B3GALT5: variants seen among roughly 807,000 people sequenced by gnomAD.
The protein encoded by B3GALT5 is beta-1,3-galactosyltransferase 5.
For missense variants in B3GALT5, 328 were observed against 396.6 expected (o/e 0.83, Z 1.47); for synonymous variants, 156 against 158.6 (o/e 0.98, Z 0.12).
At chr21:39,633,701 T>A (rs528488972) in intron 1 of B3GALT5, among the ~76,000 whole-genome samples, 1 of 152,342 alleles carries the variant, frequency 6.6e-6, no homozygotes, top group East Asian at 1.9e-4. Flanking sequence ...CTTTTAATTC[T>A]AGAACCAATG....
At chr21:39,658,035 T>C in intron 2 of B3GALT5, 1 of 713,688 alleles carries the variant, frequency 1.4e-6, no homozygotes, top group Non-Finnish European at 1.9e-6. Flanking sequence ...TTCCAGGCTC[T>C]GTCTGCTGGT....
chr21:39,660,883 G>A lies in B3GALT5; in HGVS notation c.324G>A (p.Glu108=). 6.2e-7 allele frequency: 1 copy of A among 1,612,336 alleles called. No homozygotes were observed. Among genetic ancestry groups the A allele is most frequent in the South Asian group, 1.1e-5 (1 of 90,710 alleles). Reference sequence around the variant, plus strand: ...CCAGCAGTGCAGCGGAAACGAAAGAGGTGGACCAGGAGAGCCAGCGACACG... The same window carrying A: ...CCAGCAGTGCAGCGGAAACGAAAGAAGTGGACCAGGAGAGCCAGCGACACG... The part of the protein sequence containing the change: ...GTTSSAAETK[E]VDQESQRHGD... Residue 108 remains glutamate, a synonymous_variant, in exon 4 of 4, where the codon GAG becomes GAA. Coordinates refer to ENST00000684187, the MANE Select transcript of B3GALT5 (RefSeq NM_001356336.2).
intron 1 of B3GALT5, among the ~76,000 whole-genome samples, chr21:39,636,219 T>G (rs772499405): frequency 2.6e-5 from 4 of 152,242 alleles, no homozygotes; most frequent in Non-Finnish European, 4.4e-5. Flanking sequence ...AAGAATTTAA[T>G]GCAGTGCTTG....
At chr21:39,619,550 C>T (rs2079123932) in intron 1 of B3GALT5, among the ~76,000 whole-genome samples, 1 of 151,248 alleles carries the variant, frequency 6.6e-6, no homozygotes, top group Non-Finnish European at 1.5e-5. Context: ...GTCAAGTTTT[C>T]CCATCTTGTT....
chr21:39,624,005 T>C (rs565748335), intron 1 of B3GALT5, among the ~76,000 whole-genome samples: 1 of 152,304 alleles, frequency 6.6e-6, no homozygotes, highest in African/African-American at 2.4e-5. Context: ...CAGTTATCTC[T>C]GGGGAAGGAG....
At chr21:39,620,429 A>G (rs527560208) in intron 1 of B3GALT5, among the ~76,000 whole-genome samples, 27 of 152,264 alleles carry the variant, frequency 1.8e-4, no homozygotes, top group African/African-American at 5.8e-4. Context: ...TGCATTTTCT[A>G]TTGGTTCTGA....
At chr21:39,655,267 C>G (rs2079431725) in intron 2 of B3GALT5, among the ~76,000 whole-genome samples, 1 of 152,242 alleles carries the variant, frequency 6.6e-6, no homozygotes. Context: ...GGCAGGAGAA[C>G]TTTCCTTTTA....
At chr21:39,647,164 T>C (rs2079348559) in intron 2 of B3GALT5, among the ~76,000 whole-genome samples, 1 of 152,196 alleles carries the variant, frequency 6.6e-6, no homozygotes, top group African/African-American at 2.4e-5. Flanking sequence ...GATGTCCTGA[T>C]GGCCGAGAGG....
chr21:39,616,806 C>T (rs977117733), intron 1 of B3GALT5, among the ~76,000 whole-genome samples: 5 of 152,142 alleles, frequency 3.3e-5, no homozygotes, highest in Non-Finnish European at 5.9e-5. Context: ...AGTCTCTATT[C>T]ATTTTGATTA....
chr21:39,650,056 G>A lies in B3GALT5; in HGVS notation c.-161+3434G>A, dbSNP rs552781449. On this transcript the variant is annotated intron_variant, in intron 2 of 3. Coordinates refer to ENST00000684187, the MANE Select transcript of B3GALT5 (RefSeq NM_001356336.2). ...CCCGCAAAGATTTGTCGTCTTTGTCGTGGAACCCCCAGCACCTGGACCCCT... is the reference window on the plus strand; with the variant it reads ...CCCGCAAAGATTTGTCGTCTTTGTCATGGAACCCCCAGCACCTGGACCCCT... Among the ~76,000 whole-genome samples the A allele has an allele frequency of 5.7e-4, 87 of 152,208 alleles. No individual in the cohort carries two copies. In the Middle Eastern group the frequency reaches 0.014, roughly 24 times the overall value.
intron 1 of B3GALT5, among the ~76,000 whole-genome samples, chr21:39,640,198 C>T (rs1794298293): frequency 6.6e-6 from 1 of 152,162 alleles, no homozygotes; most frequent in Non-Finnish European, 1.5e-5. Context: ...TGCAACCAGG[C>T]TGCCTGTGTT....
At chr21:39,639,412 C>CT (rs773449003) in intron 1 of B3GALT5, among the ~76,000 whole-genome samples, 1 of 99,138 alleles carries the variant, frequency 1.0e-5, no homozygotes, top group Non-Finnish European at 2.1e-5. Context: ...TTCTTTCTTT[C>CT]TTTCTTTCTT....
intron 2 of B3GALT5, among the ~76,000 whole-genome samples, chr21:39,655,525 G>T (rs1290444378): frequency 1.3e-5 from 2 of 152,176 alleles, no homozygotes; most frequent in Non-Finnish European, 2.9e-5. Flanking sequence ...ATTACTTAGA[G>T]GGTCACCCTG....
chr21:39,658,912 C>A lies in B3GALT5; in HGVS notation c.-160-841C>A, dbSNP rs567936214. Among the ~76,000 whole-genome samples, 407 of 152,296 alleles carry A rather than the reference C, an allele frequency of 2.7e-3. 2 individuals carry two copies. The highest frequency in any genetic ancestry group is 9.3e-3 in the African/African-American group (388 of 41,550). ...GAATATATGTAGAACAGAATTTTGA[C>A]AATGAAATTTTCAGGTGCTCTTTTG... On this transcript the variant is annotated intron_variant, in intron 2 of 3. Transcript: ENST00000684187.
Position 39,661,386 on chromosome 21 carries a change from G to A in B3GALT5, c.827G>A (p.Cys276Tyr). The A allele has an allele frequency of 6.3e-7, 1 of 1,590,294 alleles. No homozygotes were observed. Among genetic ancestry groups the A allele is most frequent in the Non-Finnish European group, 8.6e-7 (1 of 1,168,846 alleles). ...FFPGGLRFSVCLFRRIVACHF... is the reference protein window; with the variant it reads ...FFPGGLRFSVYLFRRIVACHF... ...CCAGGGGGCTTACGCTTCTCCGTAT[G>A]CCTCTTCAGGAGGATCGTGGCCTGC... Residue 276 changes from cysteine (C) to tyrosine (Y), a missense_variant, in exon 4 of 4, where the codon TGC (cysteine) becomes TAC (tyrosine). Transcript: ENST00000684187. The surrounding 1 kb of genome is among the most constrained non-coding windows in gnomAD (Gnocchi z 4.7).
rs1231909200 is a variant in B3GALT5 at position 39,619,138 on chromosome 21, A to G, written c.-392+6071A>G. Among the ~76,000 whole-genome samples, 3 of 152,042 alleles carry G rather than the reference A, an allele frequency of 2.0e-5. No individual in the cohort carries two copies. The East Asian group carries it at 5.8e-4, about 29-fold the overall frequency. On this transcript the variant is annotated intron_variant, in intron 1 of 3. Coordinates refer to ENST00000684187, the MANE Select transcript of B3GALT5 (RefSeq NM_001356336.2). ...TTTATGGTCTGCTTGGGCTGCCATA[A>G]TGAGATACCATAGACTGGATGGCTA...
chr21:39,642,374 G>A (rs1322783961), intron 1 of B3GALT5, among the ~76,000 whole-genome samples: 2 of 152,218 alleles, frequency 1.3e-5, no homozygotes, highest in East Asian at 1.9e-4. Context: ...TGGGGAAACC[G>A]AGAGGATGGG....
At chr21:39,651,709 G>A (rs865979062) in intron 2 of B3GALT5, among the ~76,000 whole-genome samples, 5 of 152,252 alleles carry the variant, frequency 3.3e-5, no homozygotes, top group African/African-American at 4.8e-5. Flanking sequence ...TTTTCACATC[G>A]CACCGTAGTA....
intron 1 of B3GALT5, among the ~76,000 whole-genome samples, chr21:39,625,747 A>G (rs1463012761): frequency 1.3e-5 from 2 of 152,250 alleles, no homozygotes; most frequent in African/African-American, 4.8e-5. Flanking sequence ...GGGCATGGTT[A>G]GGGAAACTCT....
Sources: allele counts gnomAD v4.1 joint callset (sites outside exome capture counted in the v4.1 genomes callset), GRCh38; gene constraint gnomAD v4.1.1; non-coding constraint Gnocchi (gnomAD v3.1); transcripts MANE v1.5; gene names NCBI Gene and HGNC (gene_info 2026-07-23, HGNC 2026-07-21).